PDZRN3: variants seen among roughly 807,000 people sequenced by gnomAD.
PDZRN3 encodes E3 ubiquitin-protein ligase PDZRN3.
Under a neutral mutation model 85.7 loss-of-function variants are expected in PDZRN3, and 38 were observed. The observed-to-expected ratio is 0.44, with a 90% confidence interval of 0.34 to 0.58. The LOEUF is 0.58. Among genes scored for constraint, PDZRN3 ranks in the 20% least tolerant of loss-of-function variants. PDZRN3 has a pLI of 0.01. For synonymous variants in PDZRN3, 759 were observed against 638.0 expected, an observed-to-expected ratio of 1.19 and a Z score of -2.86; for missense variants, 1,629 against 1,506.4, an observed-to-expected ratio of 1.08 and a Z score of -1.35.
intron 3 of PDZRN3, among the ~76,000 whole-genome samples, chr3:73,543,492 G>A (rs1482319536): frequency 6.6e-6 from 1 of 152,212 alleles, no homozygotes; most frequent in African/African-American, 2.4e-5. Context: ...TGTTTACAAT[G>A]GAAGAATTTA....
chr3:73,512,454 T>C lies in PDZRN3; in HGVS notation c.918+89900A>G, dbSNP rs184942056. 3.4e-4 allele frequency among the ~76,000 whole-genome samples: 52 copies of C among 152,378 alleles called. 1 individual carries two copies. The East Asian group carries it at 9.4e-3, about 28-fold the overall frequency. On this transcript the variant is annotated intron_variant, in intron 3 of 9. Coordinates refer to ENST00000263666, the MANE Select transcript of PDZRN3 (RefSeq NM_015009.3). ...ATTCTTTTAACATTGCATATATTTA[T>C]GTGGACAATATCCTGGAAACATAAA...
chr3:73,481,794 G>C (rs1456453802), intron 3 of PDZRN3, among the ~76,000 whole-genome samples: 1 of 152,084 alleles, frequency 6.6e-6, no homozygotes, highest in Non-Finnish European at 1.5e-5. Flanking sequence ...AATTTTAAAA[G>C]TATAATGGAC....
At position 73,389,852 on chromosome 3, in the gene PDZRN3, C is replaced by G; in HGVS notation, c.1380G>C (p.Lys460Asn). The G allele has an allele frequency of 6.2e-7, 1 of 1,613,926 alleles. No individual in the cohort carries two copies. Among genetic ancestry groups the G allele is most frequent in the South Asian group, 1.1e-5 (1 of 91,070 alleles). ...GGTCTCCTTCTCGGATGCGCCCATC[C>G]TTGGCTGCAATGCTGTTAGGGTCAA... ...SEIDPNSIAA[K>N]DGRIREGDRI... The change falls in exon 7 of 10, where the codon AAG becomes AAC. Residue 460 changes from lysine to asparagine, a missense_variant. Physicochemically the swap from Lys to Asn is moderately conservative, Grantham distance 94. Coordinates refer to ENST00000263666, the MANE Select transcript of PDZRN3 (RefSeq NM_015009.3).
intron 3 of PDZRN3, among the ~76,000 whole-genome samples, chr3:73,501,253 T>C (rs1298682942): frequency 6.6e-6 from 1 of 152,162 alleles, no homozygotes; most frequent in African/African-American, 2.4e-5. Context: ...TAAAATCACA[T>C]CCACTCCTCA....
In PDZRN3 at chr3:73,394,826, A is replaced by G. The variant is rs188839289; in HGVS notation, c.1255-3710T>C. ...TCTGGTTGCTGACAGTTAAGCACAG[A>G]GTGATCCATAATAGGCTTTCAGAAG... On this transcript the variant is annotated intron_variant, in intron 5 of 9. Coordinates refer to ENST00000263666, the MANE Select transcript of PDZRN3 (RefSeq NM_015009.3). Among the ~76,000 whole-genome samples, 195 of 152,368 alleles carry G rather than the reference A, an allele frequency of 1.3e-3. 1 individual carries two copies. Among genetic ancestry groups the G allele is most frequent in the East Asian group, 7.7e-3 (40 of 5,192 alleles).
intron 3 of PDZRN3, among the ~76,000 whole-genome samples, chr3:73,450,210 A>T (rs914776434): frequency 1.2e-4 from 19 of 152,192 alleles, no homozygotes; most frequent in African/African-American, 4.6e-4. Flanking sequence ...ATGCCAGTCC[A>T]TTCTACATTA....
At chr3:73,530,662 T>G (rs1704631676) in intron 3 of PDZRN3, among the ~76,000 whole-genome samples, 1 of 152,230 alleles carries the variant, frequency 6.6e-6, no homozygotes, top group African/African-American at 2.4e-5. Context: ...GTTTATTTTT[T>G]AAAGTAAATT....
At chr3:73,445,521 C>A (rs78525915) in intron 3 of PDZRN3, among the ~76,000 whole-genome samples, 2,005 of 152,326 alleles carry the variant, frequency 0.013, 50 homozygotes, top group African/African-American at 0.046. Context: ...GGTTCATGTG[C>A]TATCAAGTCT....
rs148703744 is a variant in PDZRN3, at chr3:73,405,166, C to T, written c.919-771G>A. On this transcript the variant is annotated intron_variant, in intron 3 of 9. Transcript: ENST00000263666. ...TCATCTCCCTCCCTAGAGCCTCAAACCTCATGAGAGGACCTTACTAGTTTA... is the reference window on the plus strand; with the variant it reads ...TCATCTCCCTCCCTAGAGCCTCAAATCTCATGAGAGGACCTTACTAGTTTA... Among the ~76,000 whole-genome samples the T allele has an allele frequency of 1.9e-3, 292 of 152,330 alleles. 1 individual carries two copies. The highest frequency in any genetic ancestry group is 6.7e-3 in the African/African-American group (279 of 41,582).
chr3:73,489,948 T>C (rs1310343404), intron 3 of PDZRN3, among the ~76,000 whole-genome samples: 1 of 152,152 alleles, frequency 6.6e-6, no homozygotes, highest in Non-Finnish European at 1.5e-5. Flanking sequence ...AACCCACAAA[T>C]GTGATTACAA....
chr3:73,474,617 G>A, intron 3 of PDZRN3: 1 of 1,246,994 alleles, frequency 8.0e-7, no homozygotes, highest in Non-Finnish European at 1.0e-6. Context: ...TATGTTGAGA[G>A]TACTGAGCAA....
chr3:73,552,552 A>G (rs1382949047), intron 3 of PDZRN3, among the ~76,000 whole-genome samples: 1 of 152,022 alleles, frequency 6.6e-6, no homozygotes, highest in Non-Finnish European at 1.5e-5. Flanking sequence ...TGCGCATGTG[A>G]GTGTGTGTGT....
Position 73,427,463 on chromosome 3 carries a change from T to A in PDZRN3, c.919-23068A>T, listed in dbSNP as rs149570880. 7.6e-4 allele frequency among the ~76,000 whole-genome samples: 113 copies of A among 149,110 alleles called. 1 individual carries two copies. The highest frequency in any genetic ancestry group is 3.4e-3 in the Middle Eastern group (1 of 292). Reference sequence around the variant, plus strand: ...CCCCACCACCGCCCACATTTAACCATGACCTCTTCCTGCATTATTAATGAA... The same window carrying A: ...CCCCACCACCGCCCACATTTAACCAAGACCTCTTCCTGCATTATTAATGAA... On this transcript the variant is annotated intron_variant, in intron 3 of 9. Coordinates refer to ENST00000263666, the MANE Select transcript of PDZRN3 (RefSeq NM_015009.3).
intron 3 of PDZRN3, among the ~76,000 whole-genome samples, chr3:73,446,570 CAG>C (rs1229774900): frequency 1.3e-5 from 2 of 152,146 alleles, no homozygotes; most frequent in Non-Finnish European, 2.9e-5. Flanking sequence ...AGTTTCAAAA[CAG>C]AGTAAGTTTA....
intron 3 of PDZRN3, among the ~76,000 whole-genome samples, chr3:73,553,778 G>A (rs1701623629): frequency 6.6e-6 from 1 of 152,134 alleles, no homozygotes; most frequent in African/African-American, 2.4e-5. Flanking sequence ...AGGTGACAGG[G>A]AGTACCTTAT....
intron 3 of PDZRN3, chr3:73,408,274 A>G (rs1701894661): frequency 2.9e-6 from 2 of 701,008 alleles, no homozygotes; most frequent in South Asian, 1.5e-5. Flanking sequence ...CAAAATAAAT[A>G]TAGCATCATG....
chr3:73,447,240 A>G (rs1246289745), intron 3 of PDZRN3, among the ~76,000 whole-genome samples: 2 of 151,742 alleles, frequency 1.3e-5, no homozygotes, highest in East Asian at 3.9e-4. Context: ...CTTCAGTTGC[A>G]CTGCTTCTCT....
intron 5 of PDZRN3, among the ~76,000 whole-genome samples, chr3:73,396,740 A>G (rs1327073426): frequency 6.6e-6 from 1 of 152,220 alleles, no homozygotes; most frequent in Non-Finnish European, 1.5e-5. Context: ...CAGCCTACAT[A>G]GGATGCTACT....
At chr3:73,619,523 G>A (rs1702818148) in intron 1 of PDZRN3, among the ~76,000 whole-genome samples, 1 of 152,222 alleles carries the variant, frequency 6.6e-6, no homozygotes, top group Non-Finnish European at 1.5e-5. Flanking sequence ...CCTAAGTGCA[G>A]ACAGAAAGGC....
Sources: allele counts gnomAD v4.1 joint callset (sites outside exome capture counted in the v4.1 genomes callset), GRCh38; gene constraint gnomAD v4.1.1; transcripts MANE v1.5; gene names NCBI Gene and HGNC (gene_info 2026-07-23, HGNC 2026-07-21).